Variants in MEIS1 observed in about 807,000 individuals in gnomAD.
The protein encoded by MEIS1 is homeobox protein Meis1.
MEIS1 carries 5 observed loss-of-function variants against 50.8 expected under a neutral mutation model. That is an observed-to-expected ratio of 0.10 (90% CI 0.05 to 0.21). The LOEUF (loss-of-function observed/expected upper bound fraction) is 0.21. MEIS1 is among the 10% of genes least tolerant of loss of function. The pLI, the probability that MEIS1 is intolerant of heterozygous loss-of-function variation, is 1.00. For missense variants in MEIS1, 318 were observed against 517.3 expected, an observed-to-expected ratio of 0.61 and a Z score of 3.74; for synonymous variants, 176 against 179.3, an observed-to-expected ratio of 0.98 and a Z score of 0.15.
chr2:66,506,132 T>C (rs1205666849), intron 7 of MEIS1, among the ~76,000 whole-genome samples: 2 of 152,234 alleles, frequency 1.3e-5, no homozygotes, highest in Non-Finnish European at 2.9e-5. Flanking sequence ...GGTTCCTGCC[T>C]TCTCAGACCC....
At chr2:66,534,376 A>G (rs1224583071) in intron 8 of MEIS1, among the ~76,000 whole-genome samples, 3 of 152,108 alleles carry the variant, frequency 2.0e-5, no homozygotes, top group Non-Finnish European at 4.4e-5. Context: ...TCTACTCAAA[A>G]TATAAAAATT....
chr2:66,493,207 C>T (rs1673316003), intron 7 of MEIS1, among the ~76,000 whole-genome samples: 1 of 152,136 alleles, frequency 6.6e-6, no homozygotes, highest in South Asian at 2.1e-4. Flanking sequence ...CTGGCATTTA[C>T]TTTTTCCATA....
intron 8 of MEIS1, among the ~76,000 whole-genome samples, chr2:66,545,861 G>A (rs866022922): frequency 6.6e-6 from 1 of 152,214 alleles, no homozygotes; most frequent in African/African-American, 2.4e-5. Context: ...CATCACTTTT[G>A]TGAATGAAGC....
intron 10 of MEIS1, 162 bp downstream of exon 10, chr2:66,567,673 T>G: frequency 1.4e-6 from 1 of 715,864 alleles, no homozygotes; most frequent in Non-Finnish European, 2.5e-6. Flanking sequence ...ACTAATCAAT[T>G]TAACATCATT....
intron 7 of MEIS1, among the ~76,000 whole-genome samples, chr2:66,479,818 G>A (rs1672976228): frequency 6.6e-6 from 1 of 152,134 alleles, no homozygotes; most frequent in Admixed American, 6.5e-5. Context: ...GGGCCATGAA[G>A]GATTCCCCAT....
chr2:66,476,831 C>T (rs947942883), intron 7 of MEIS1, among the ~76,000 whole-genome samples: 1 of 152,112 alleles, frequency 6.6e-6, no homozygotes, highest in African/African-American at 2.4e-5. Flanking sequence ...TTCTGATCTC[C>T]CACTCAGTCT....
intron 9 of MEIS1, among the ~76,000 whole-genome samples, chr2:66,548,299 T>G (rs1349589210): frequency 3.4e-5 from 5 of 145,752 alleles, no homozygotes; most frequent in Non-Finnish European, 4.4e-5. Flanking sequence ...TCAATGTATC[T>G]CTCTCTATGG....
chr2:66,521,546 C>T (rs1166444784), intron 8 of MEIS1, among the ~76,000 whole-genome samples: 1 of 152,120 alleles, frequency 6.6e-6, no homozygotes, highest in Non-Finnish European at 1.5e-5. Flanking sequence ...GGGTATGACA[C>T]CGAGGTCTGA....
chr2:66,493,839 C>A (rs1211489849), intron 7 of MEIS1, among the ~76,000 whole-genome samples: 1 of 152,108 alleles, frequency 6.6e-6, no homozygotes, highest in Non-Finnish European at 1.5e-5. Flanking sequence ...GTAAAATGAT[C>A]ATTTGAATTG....
intron 9 of MEIS1, among the ~76,000 whole-genome samples, chr2:66,554,235 A>C (rs1674996161): frequency 6.6e-6 from 1 of 152,238 alleles, no homozygotes; most frequent in South Asian, 2.1e-4. Context: ...GAAACCAGTG[A>C]CAACGGAGGT....
chr2:66,474,080 T>C (rs1672831883), intron 7 of MEIS1, among the ~76,000 whole-genome samples: 1 of 147,292 alleles, frequency 6.8e-6, no homozygotes, highest in Non-Finnish European at 1.5e-5. Flanking sequence ...TCAGTACATA[T>C]GCAATCATCC....
intron 7 of MEIS1, among the ~76,000 whole-genome samples, chr2:66,507,833 C>T (rs532563916): frequency 6.6e-6 from 1 of 152,310 alleles, no homozygotes; most frequent in East Asian, 1.9e-4. Context: ...CTTAAATAGG[C>T]GACTCGGGAT....
intron 7 of MEIS1, among the ~76,000 whole-genome samples, chr2:66,493,851 T>G (rs1418371481): frequency 6.6e-6 from 1 of 152,192 alleles, no homozygotes; most frequent in Non-Finnish European, 1.5e-5. Context: ...TTTGAATTGC[T>G]TTTACTCTGA....
chr2:66,555,909 G>A (rs921952267), intron 9 of MEIS1, among the ~76,000 whole-genome samples: 1 of 152,208 alleles, frequency 6.6e-6, no homozygotes, highest in African/African-American at 2.4e-5. Context: ...GGGCTCGGGG[G>A]AAGGAAGTGT....
At chr2:66,563,631 TGA>T (rs1328280381) in intron 9 of MEIS1, among the ~76,000 whole-genome samples, 1 of 152,158 alleles carries the variant, frequency 6.6e-6, no homozygotes, top group African/African-American at 2.4e-5. Context: ...GCAGGGAGGA[TGA>T]GACACAAGGT....
intron 7 of MEIS1, among the ~76,000 whole-genome samples, chr2:66,478,263 C>T (rs1672938923): frequency 6.6e-6 from 1 of 152,048 alleles, no homozygotes; most frequent in Non-Finnish European, 1.5e-5. Context: ...ATACAAGTTA[C>T]ATAGCGAGAA....
rs1572844321 is a variant in MEIS1 at position 66,483,125 on chromosome 2, C to G, written c.742+18905C>G. On this transcript the variant is annotated intron_variant, in intron 7 of 12. Coordinates refer to ENST00000272369, the MANE Select transcript of MEIS1 (RefSeq NM_002398.3). ...ATGTATGTGTTAGCTGCTGTCATTACCACATCATCATTATCAGCTGATTAA... is the reference window on the plus strand; with the variant it reads ...ATGTATGTGTTAGCTGCTGTCATTAGCACATCATCATTATCAGCTGATTAA... 2.0e-5 allele frequency among the ~76,000 whole-genome samples: 3 copies of G among 152,068 alleles called. No individual in the cohort carries two copies. The South Asian group carries it at 6.3e-4, about 32-fold the overall frequency.
At chr2:66,539,497 G>A (rs1486827199) in intron 8 of MEIS1, among the ~76,000 whole-genome samples, 1 of 152,128 alleles carries the variant, frequency 6.6e-6, no homozygotes, top group Non-Finnish European at 1.5e-5. Context: ...CGACTTGTAT[G>A]TTACCACCAA....
chr2:66,504,848 C>A (rs1673649837), intron 7 of MEIS1, among the ~76,000 whole-genome samples: 1 of 152,144 alleles, frequency 6.6e-6, no homozygotes, highest in African/African-American at 2.4e-5. Flanking sequence ...GGAACCGCTT[C>A]AAATTTTCCA....
Sources: gnomAD v4.1 joint callset for allele counts (sites outside exome capture counted in the v4.1 genomes callset) on GRCh38, gnomAD v4.1.1 for gene constraint, MANE v1.5 for transcripts, NCBI Gene and HGNC (gene_info 2026-07-23, HGNC 2026-07-21) for gene names.